Variants in RPS6KA6 observed in about 807,000 individuals in gnomAD.
RPS6KA6 encodes ribosomal protein S6 kinase alpha-6.
RPS6KA6 carries 27 observed loss-of-function variants against 65.4 expected under a neutral mutation model. The ratio of observed to expected loss-of-function variants is 0.41; its 90% CI spans 0.30 to 0.57. The LOEUF (loss-of-function observed/expected upper bound fraction) is 0.57, where lower values mean the gene tolerates loss of function less well. Ranked by LOEUF, RPS6KA6 falls within the 20% of genes least tolerant of loss-of-function variation. The pLI is 0.24. For missense variants in RPS6KA6, 486 were observed against 555.6 expected (o/e 0.87, Z 1.26); for synonymous variants, 190 against 184.2 (o/e 1.03, Z -0.26).
intron 20 of RPS6KA6, among the ~76,000 whole-genome samples, chrX:84,069,978 C>G (rs2033498981): frequency 1.8e-5 from 2 of 111,817 alleles, no homozygotes; most frequent in African/African-American, 6.5e-5. Context: ...TAAATTAGTT[C>G]AACCATTGTG....
At position 84,188,192 on chromosome X, in the gene RPS6KA6, T is replaced by C. The variant is rs2035953230; in HGVS notation, c.-293A>G. On this transcript the variant is annotated 5_prime_UTR_variant, in exon 1 of 22. Transcript: ENST00000262752. ...TGCCACCACAACGACAGCCGCTCGG[T>C]GGTGACTCCCCCAACACCCCACTTC... Among the ~76,000 whole-genome samples the C allele has an allele frequency of 1.8e-5, 2 of 110,651 alleles. No homozygotes were observed. Among genetic ancestry groups the C allele is most frequent in the Non-Finnish European group, 3.8e-5 (2 of 52,585 alleles).
At chrX:84,069,635 GA>G (rs1037456053) in intron 20 of RPS6KA6, among the ~76,000 whole-genome samples, 17 of 111,683 alleles carry the variant, frequency 1.5e-4, no homozygotes, top group Non-Finnish European at 2.1e-4. Context: ...GCAACCTACA[GA>G]AGGGGAGAAA....
At chrX:84,145,434 AGTTTT>A (rs2147543899) in intron 6 of RPS6KA6, 39 bp downstream of exon 6, 6 of 824,432 alleles carry the variant, frequency 7.3e-6, no homozygotes, top group South Asian at 2.5e-5. Flanking sequence ...GATTTTTCTT[AGTTTT>A]GTTTTAAGAA....
intron 3 of RPS6KA6, among the ~76,000 whole-genome samples, chrX:84,151,755 T>C (rs914887655): frequency 2.1e-4 from 23 of 111,991 alleles, no homozygotes; most frequent in African/African-American, 7.5e-4. Flanking sequence ...AATGTAATAA[T>C]TGTTAATGTC....
intron 1 of RPS6KA6, among the ~76,000 whole-genome samples, chrX:84,165,250 C>T (rs1257485994): frequency 9.1e-6 from 1 of 109,828 alleles, no homozygotes; most frequent in Non-Finnish European, 1.9e-5. Flanking sequence ...AGGATTTTTA[C>T]CACTGCCCAT....
chrX:84,105,533 T>G lies in RPS6KA6; in HGVS notation c.1455+254A>C, dbSNP rs972947274. 7.2e-5 allele frequency among the ~76,000 whole-genome samples: 8 copies of G among 110,994 alleles called. No individual in the cohort carries two copies. In the South Asian group the frequency reaches 1.9e-3, roughly 26 times the overall value. On this transcript the variant is annotated intron_variant, in intron 16 of 21. Coordinates refer to ENST00000262752, the MANE Select transcript of RPS6KA6 (RefSeq NM_014496.5). Reference sequence around the variant, plus strand: ...GGTGTTAGCTACAATGTTAACTAGTTAACCAGCCAGAATATATTCATGTAA... The same window carrying G: ...GGTGTTAGCTACAATGTTAACTAGTGAACCAGCCAGAATATATTCATGTAA...
In RPS6KA6 at chrX:84,061,764, A is replaced by G. The variant is rs2033305775; in HGVS notation, c.*2513T>C. Reference sequence around the variant, plus strand: ...AACTAGAAAAACACAATGCAAAATCATTATTCAAGAACCCATTAGAAACCA... The same window carrying G: ...AACTAGAAAAACACAATGCAAAATCGTTATTCAAGAACCCATTAGAAACCA... On this transcript the variant is annotated 3_prime_UTR_variant, in exon 22 of 22. Coordinates refer to ENST00000262752, the MANE Select transcript of RPS6KA6 (RefSeq NM_014496.5). 1 of 111,872 alleles carries G rather than the reference A, an allele frequency of 8.9e-6. No individual in the cohort carries two copies. Among genetic ancestry groups the G allele is most frequent in the Non-Finnish European group, 1.9e-5 (1 of 53,058 alleles). 9.2% of individuals were successfully genotyped at this position (111,872 alleles called of 1,213,427 possible). A position where few individuals can be genotyped will look rare whatever the true frequency, so the allele number is the denominator to read the frequency against.
intron 5 of RPS6KA6, among the ~76,000 whole-genome samples, chrX:84,146,616 G>C (rs1208235561): frequency 2.7e-5 from 3 of 111,787 alleles, no homozygotes; most frequent in Admixed American, 9.5e-5. Flanking sequence ...CCAGGAAACA[G>C]ATAAGTGTGG....
At chrX:84,171,101 TGAGG>T (rs1233912401) in intron 1 of RPS6KA6, among the ~76,000 whole-genome samples, 1 of 111,167 alleles carries the variant, frequency 9.0e-6, no homozygotes, top group East Asian at 2.8e-4. Flanking sequence ...ACCAAGAATC[TGAGG>T]GAGTGTAAAA....
chrX:84,134,495 T>C (rs10218349), intron 8 of RPS6KA6, among the ~76,000 whole-genome samples: 1 of 110,773 alleles, frequency 9.0e-6, no homozygotes, highest in Non-Finnish European at 1.9e-5. Context: ...TGATGACTAC[T>C]TGTGATACAT....
At chrX:84,147,667 G>A (rs780946759) in intron 4 of RPS6KA6, among the ~76,000 whole-genome samples, 16 of 111,286 alleles carry the variant, frequency 1.4e-4, no homozygotes, top group Non-Finnish European at 3.0e-4. Context: ...GATCATAAGC[G>A]GTATTTTTAT....
Position 84,063,272 on chromosome X carries a change from A to G in RPS6KA6, c.*1005T>C, listed in dbSNP as rs1382039958. 4 of 111,781 alleles carry G rather than the reference A, an allele frequency of 3.6e-5. No homozygotes were observed. The highest frequency in any genetic ancestry group is 9.7e-5 in the African/African-American group (3 of 30,867). 9.2% of individuals were successfully genotyped at this position (111,781 alleles called of 1,213,427 possible). On this transcript the variant is annotated 3_prime_UTR_variant, in exon 22 of 22. Coordinates refer to ENST00000262752, the MANE Select transcript of RPS6KA6 (RefSeq NM_014496.5). The stretch of plus-strand genomic sequence containing the variant: ...TGTGCTATATGCACAAGTCCACTAC[A>G]GCAAGATGTCAACTGTATTATCATA...
chrX:84,149,883 TG>T (rs2035268641), intron 3 of RPS6KA6, among the ~76,000 whole-genome samples: 1 of 112,002 alleles, frequency 8.9e-6, no homozygotes, highest in African/African-American at 3.2e-5. Flanking sequence ...AGCTAGGCGC[TG>T]ACTTCGCTCT....
At position 84,112,664 on chromosome X, in the gene RPS6KA6, A is replaced by T. The variant is rs143072450; in HGVS notation, c.1008+3565T>A. ...TAACAAAACGTCTGAGACACAGCTA[A>T]AGCAGTGCTAAGAGGAAAGTTTTTA... is the stretch of plus-strand genomic sequence containing the variant. On this transcript the variant is annotated intron_variant, in intron 12 of 21. Transcript: ENST00000262752. Among the ~76,000 whole-genome samples, 694 of 112,061 alleles carry T rather than the reference A, an allele frequency of 6.2e-3. 10 individuals are homozygous for T. The highest frequency in any genetic ancestry group is 0.021 in the African/African-American group (650 of 30,836).
At position 84,105,820 on chromosome X, in the gene RPS6KA6, A is replaced by G; in HGVS notation, c.1422T>C (p.Tyr474=). ...PSEEIEILMR[Y]GQHPNIITLK... The stretch of plus-strand genomic sequence containing the variant: ...AAGTAATAATGTTGGGATGTTGTCC[A>G]TAGCGCATCAATATTTCAATCTCTT... Residue 474 remains tyrosine, a synonymous_variant, in exon 16 of 22, where the codon TAT becomes TAC. Coordinates refer to ENST00000262752, the MANE Select transcript of RPS6KA6 (RefSeq NM_014496.5). 8.5e-7 allele frequency: 1 copy of G among 1,180,176 alleles called. No individual in the cohort carries two copies. The highest frequency in any genetic ancestry group is 1.9e-5 in the South Asian group (1 of 53,972).
At chrX:84,096,682 T>G (rs901409387) in intron 19 of RPS6KA6, among the ~76,000 whole-genome samples, 1 of 111,690 alleles carries the variant, frequency 9.0e-6, no homozygotes, top group African/African-American at 3.2e-5. Context: ...AATGTTAATT[T>G]CATATATTCA....
intron 3 of RPS6KA6, among the ~76,000 whole-genome samples, chrX:84,152,200 G>GT (rs1252753999): frequency 9.0e-6 from 1 of 110,575 alleles, no homozygotes; most frequent in African/African-American, 3.3e-5. Context: ...CACCTGATCT[G>GT]TTTTTTCTTT....
intron 12 of RPS6KA6, among the ~76,000 whole-genome samples, chrX:84,114,581 C>T (rs2034530107): frequency 9.0e-6 from 1 of 111,658 alleles, no homozygotes; most frequent in African/African-American, 3.3e-5. Flanking sequence ...CTATGAATGC[C>T]ATCCTTCAGA....
chrX:84,121,139 G>A (rs774584884), intron 8 of RPS6KA6, among the ~76,000 whole-genome samples: 14 of 112,350 alleles, frequency 1.2e-4, no homozygotes, highest in Middle Eastern at 4.6e-3. Context: ...TGCAGGAAGC[G>A]TTACATGAGC....
Sources: gnomAD v4.1 joint callset for allele counts (sites outside exome capture counted in the v4.1 genomes callset) on GRCh38, gnomAD v4.1.1 for gene constraint, MANE v1.5 for transcripts, NCBI Gene and HGNC (gene_info 2026-07-23, HGNC 2026-07-21) for gene names.